ZFHX3: variants seen among roughly 807,000 people sequenced by gnomAD.
ZFHX3 encodes zinc finger homeobox protein 3.
A neutral mutation model predicts 279.1 loss-of-function variants in ZFHX3; 42 were observed. The observed-to-expected ratio is 0.15, with a 90% CI of 0.12 to 0.19. The LOEUF (loss-of-function observed/expected upper bound fraction) is 0.19. ZFHX3 is among the 10% of genes least tolerant of loss of function. ZFHX3 has a pLI of 1.00. For missense variants in ZFHX3, 4,981 were observed against 4,754.0 expected (o/e 1.05, Z -1.40); for synonymous variants, 2,293 against 1,957.8 (o/e 1.17, Z -4.52).
chr16:73,804,951 G>A (rs1320003202), intron 1 of ZFHX3, among the ~76,000 whole-genome samples: 1 of 141,178 alleles, frequency 7.1e-6, no homozygotes, highest in Non-Finnish European at 1.6e-5. Flanking sequence ...GGAGAGGAAG[G>A]GAGGGAGAGA....
intron 4 of ZFHX3, among the ~76,000 whole-genome samples, chr16:72,833,016 A>G (rs1461125738): frequency 6.6e-6 from 1 of 152,242 alleles, no homozygotes; most frequent in Non-Finnish European, 1.5e-5. Context: ...TAGAGAAATG[A>G]TTAAAAAACA....
chr16:73,166,118 A>G (rs12922660), intron 5 of ZFHX3, among the ~76,000 whole-genome samples: 67,435 of 152,002 alleles, frequency 0.44, 15,076 homozygotes, highest in Middle Eastern at 0.55. Context: ...GTCGCATTGG[A>G]CCTAAGTAAA....
intron 2 of ZFHX3, among the ~76,000 whole-genome samples, chr16:73,639,488 T>A (rs922142793): frequency 6.6e-6 from 1 of 152,058 alleles, no homozygotes; most frequent in Non-Finnish European, 1.5e-5. Flanking sequence ...GAGAGCAGAG[T>A]GGTTTTAATC....
chr16:72,965,746 A>C (rs1339093467), intron 1 of ZFHX3, among the ~76,000 whole-genome samples: 2 of 152,240 alleles, frequency 1.3e-5, no homozygotes, highest in African/African-American at 4.8e-5. Flanking sequence ...GAGTGACTTA[A>C]TGGATATGGA....
intron 7 of ZFHX3, among the ~76,000 whole-genome samples, chr16:73,103,908 C>A (rs1052606635): frequency 4.6e-5 from 7 of 152,120 alleles, no homozygotes; most frequent in Admixed American, 2.6e-4. Flanking sequence ...TGTAGTAAAC[C>A]AAGGCAAGGA....
chr16:72,946,641 G>A (rs1960691805), intron 3 of ZFHX3, among the ~76,000 whole-genome samples: 1 of 152,206 alleles, frequency 6.6e-6, no homozygotes. Context: ...GGCTGGGAAT[G>A]CAAGATAAAC....
rs943146257 is a variant in ZFHX3 at position 73,635,271 on chromosome 16, G to A, written c.-1547+44909C>T. ...TTTTTACTGGTGGGAATAGGCACAC[G>A]TTGTATTCTATCAAATTACTGCATA... On this transcript the variant is annotated intron_variant, in intron 2 of 17. Coordinates refer to the ZFHX3 transcript ENST00000641206. Among the ~76,000 whole-genome samples, 7 of 152,156 alleles carry A rather than the reference G, an allele frequency of 4.6e-5. No homozygotes were observed. In the East Asian group the frequency reaches 5.8e-4, roughly 13 times the overall value.
chr16:73,621,193 C>A (rs1778544872), intron 2 of ZFHX3, among the ~76,000 whole-genome samples: 1 of 152,212 alleles, frequency 6.6e-6, no homozygotes, highest in African/African-American at 2.4e-5. Flanking sequence ...TCCCTTTTAA[C>A]TCCTTCAGGA....
intron 4 of ZFHX3, among the ~76,000 whole-genome samples, chr16:73,307,979 G>A (rs374328802): frequency 6.6e-6 from 1 of 151,958 alleles, no homozygotes; most frequent in African/African-American, 2.4e-5. Context: ...CCCCAAATTT[G>A]CCAGCTCCCG....
At chr16:73,067,112 G>A (rs1426797111) in intron 8 of ZFHX3, among the ~76,000 whole-genome samples, 1 of 152,146 alleles carries the variant, frequency 6.6e-6, no homozygotes, top group Non-Finnish European at 1.5e-5. Flanking sequence ...GAGTGGGTGT[G>A]TGGAGTTAGC....
intron 5 of ZFHX3, among the ~76,000 whole-genome samples, chr16:73,235,673 A>G (rs528134980): frequency 5.3e-5 from 8 of 149,766 alleles, no homozygotes; most frequent in Non-Finnish European, 1.2e-4. Flanking sequence ...TATCAAATAT[A>G]TCAATTGTTT....
Position 72,882,977 on chromosome 16 carries a change from GGTGTGTGTGTGTGTGTGTGTGTGT to G in ZFHX3, c.3448+6730_3448+6753del, listed in dbSNP as rs56328056. Among the ~76,000 whole-genome samples, 140 of 65,442 alleles carry G rather than the reference GGTGTGTGTGTGTGTGTGTGTGTGT, an allele frequency of 2.1e-3. 1 individual carries two copies. Among genetic ancestry groups the G allele is most frequent in the Middle Eastern group, 8.3e-3 (1 of 120 alleles). 42.9% of individuals were successfully genotyped at this position (65,442 alleles called of 152,430 possible). ...ATTTTTGGCCTTCACACCACTCTGG[GGTGTGTGTGTGTGTGTGTGTGTGT>G]GTGTGTGTGTGTGTGTGTGTGTGTG... is the stretch of plus-strand genomic sequence containing the variant. On this transcript the variant is annotated intron_variant, in intron 4 of 9. Coordinates refer to ENST00000268489, the MANE Select transcript of ZFHX3 (RefSeq NM_006885.4).
chr16:73,514,003 C>T (rs142681828), intron 2 of ZFHX3, among the ~76,000 whole-genome samples: 2 of 152,200 alleles, frequency 1.3e-5, no homozygotes, highest in Non-Finnish European at 2.9e-5. Context: ...AATCCCAGCA[C>T]TTTGGGAGGC....
At chr16:73,796,295 G>A (rs1186572094) in intron 1 of ZFHX3, 2 of 152,164 alleles carry the variant, frequency 1.3e-5, no homozygotes, top group African/African-American at 2.4e-5. Context: ...AGAGACTGGG[G>A]AGTATCAAGT....
chr16:72,792,666 G>C (rs1210986577), intron 9 of ZFHX3, among the ~76,000 whole-genome samples: 1 of 152,122 alleles, frequency 6.6e-6, no homozygotes, highest in Non-Finnish European at 1.5e-5. Context: ...TGGCCAGGCT[G>C]GTCTCGATTT....
rs1333750892 is a variant in ZFHX3 at position 72,958,450 on chromosome 16, T to C, written c.1696A>G (p.Arg566Gly). The C allele has an allele frequency of 1.9e-6, 3 of 1,614,200 alleles. No individual in the cohort carries two copies. Among genetic ancestry groups the C allele is most frequent in the Non-Finnish European group, 2.5e-6 (3 of 1,180,046 alleles). Residue 566 changes from arginine to glycine, a missense_variant, in exon 2 of 10, where the codon AGG (arginine) becomes GGG (glycine). By Grantham distance (125) the Arg-to-Gly change is moderately radical (BLOSUM62 -2). This residue lies in a region of ZFHX3 where 1,068 missense variants were observed against 935.2 expected (regional missense o/e 1.14). Coordinates refer to ENST00000268489, the MANE Select transcript of ZFHX3 (RefSeq NM_006885.4). ...SSFVVFDGAN[R>G]RNRLSFNSEG... Reference sequence around the variant, plus strand: ...CTGTTAAAGCTTAAACGATTCCTCCTGTTCGCACCATCAAAGACAACAAAG... The same window carrying C: ...CTGTTAAAGCTTAAACGATTCCTCCCGTTCGCACCATCAAAGACAACAAAG...
At chr16:73,805,475 G>A (rs752438653) in intron 1 of ZFHX3, among the ~76,000 whole-genome samples, 2 of 152,076 alleles carry the variant, frequency 1.3e-5, no homozygotes, top group African/African-American at 4.8e-5. Flanking sequence ...GGCCATTCTG[G>A]TATATTTTCA....
intron 1 of ZFHX3, among the ~76,000 whole-genome samples, chr16:73,027,096 T>C (rs948869911): frequency 1.3e-5 from 2 of 152,220 alleles, no homozygotes; most frequent in Non-Finnish European, 2.9e-5. Flanking sequence ...AACACAAATA[T>C]AAATGTCACA....
intron 1 of ZFHX3, among the ~76,000 whole-genome samples, chr16:73,780,746 T>C (rs1959441740): frequency 6.6e-6 from 1 of 152,180 alleles, no homozygotes; most frequent in Non-Finnish European, 1.5e-5. Flanking sequence ...CTGGCCTCAT[T>C]GCAGTTGAAT....
Sources: gnomAD v4.1 joint callset for allele counts (sites outside exome capture counted in the v4.1 genomes callset) on GRCh38, gnomAD v4.1.1 for gene constraint, gnomAD v4.1.1 regional missense constraint, MANE v1.5 for transcripts, NCBI Gene and HGNC (gene_info 2026-07-23, HGNC 2026-07-21) for gene names.